Variants in INPP4B observed in about 807,000 individuals in gnomAD.
INPP4B encodes the protein inositol polyphosphate-4-phosphatase type II B, also known as inositol polyphosphate 4-phosphatase type II.
In INPP4B, 55 loss-of-function variants were observed where a neutral mutation model predicts 122.5. The ratio of observed to expected loss-of-function variants is 0.45; its 90% CI spans 0.36 to 0.56. INPP4B has a LOEUF of 0.56. Ranked by LOEUF, INPP4B falls within the 20% of genes least tolerant of loss-of-function variation. INPP4B has a pLI of 0.00. For synonymous variants in INPP4B, 403 were observed against 388.7 expected (o/e 1.04, Z -0.43); for missense variants, 1,000 against 1,097.7 (o/e 0.91, Z 1.26).
At chr4:142,385,879 ATCT>A (rs1221855668) in intron 7 of INPP4B, among the ~76,000 whole-genome samples, 3 of 152,304 alleles carry the variant, frequency 2.0e-5, no homozygotes, top group South Asian at 2.1e-4. Flanking sequence ...TAATTAAATA[ATCT>A]TCTCACATAG....
chr4:142,795,911 G>C (rs1256519944), intron 1 of INPP4B, among the ~76,000 whole-genome samples: 2 of 151,890 alleles, frequency 1.3e-5, no homozygotes, highest in African/African-American at 2.4e-5. Flanking sequence ...CATAGTTGCT[G>C]TGTCAATTTA....
chr4:142,705,529 A>C (rs1291548777), intron 2 of INPP4B, among the ~76,000 whole-genome samples: 2 of 151,360 alleles, frequency 1.3e-5, no homozygotes, highest in Non-Finnish European at 2.9e-5. Flanking sequence ...GATTTCCAAG[A>C]GTAGATTACT....
At chr4:142,832,832 T>C (rs1400197421) in intron 1 of INPP4B, among the ~76,000 whole-genome samples, 1 of 152,040 alleles carries the variant, frequency 6.6e-6, no homozygotes, top group African/African-American at 2.4e-5. Flanking sequence ...TTTTTAAATT[T>C]CACAAAAGAA....
At chr4:142,554,646 C>A (rs536534551) in intron 2 of INPP4B, among the ~76,000 whole-genome samples, 1 of 152,278 alleles carries the variant, frequency 6.6e-6, no homozygotes, top group East Asian at 1.9e-4. Context: ...GAACCTTAAA[C>A]TAGTGTCTTT....
At chr4:142,749,832 T>C (rs1769380107) in intron 1 of INPP4B, among the ~76,000 whole-genome samples, 1 of 151,044 alleles carries the variant, frequency 6.6e-6, no homozygotes, top group South Asian at 2.1e-4. Flanking sequence ...ACATAGAAAA[T>C]TAAATTAATA....
chr4:142,460,290 G>C (rs1816429759), intron 3 of INPP4B, among the ~76,000 whole-genome samples: 1 of 152,188 alleles, frequency 6.6e-6, no homozygotes, highest in African/African-American at 2.4e-5. Flanking sequence ...ATTCACCATT[G>C]CTTTTATTCT....
chr4:142,423,821 TA>T (rs61368063), intron 5 of INPP4B: 9,174 of 337,926 alleles, frequency 0.027, 25 homozygotes, highest in African/African-American at 0.042. Flanking sequence ...TAATTTCCTA[TA>T]AAAAAAAAAA....
At chr4:142,493,529 G>A (rs1422321901) in intron 2 of INPP4B, among the ~76,000 whole-genome samples, 1 of 152,172 alleles carries the variant, frequency 6.6e-6, no homozygotes, top group African/African-American at 2.4e-5. Context: ...CTTGATGTGA[G>A]ACACAGAATC....
At position 142,232,393 on chromosome 4, in the gene INPP4B, T is replaced by C. The variant is rs972595192; in HGVS notation, c.836+5471A>G. On this transcript the variant is annotated intron_variant, in intron 12 of 25. Transcript: ENST00000262992. ...TTTAGAACTGTTGCAATGTTTTCAA[T>C]GTTTTCACTAGTATATCAGTCATGG... Among the ~76,000 whole-genome samples the C allele has an allele frequency of 2.0e-5, 3 of 152,308 alleles. No homozygotes were observed. In the East Asian group the frequency reaches 5.8e-4, roughly 29 times the overall value.
chr4:142,071,108 A>G (rs1044605875), intron 25 of INPP4B, among the ~76,000 whole-genome samples: 1 of 152,212 alleles, frequency 6.6e-6, no homozygotes, highest in Non-Finnish European at 1.5e-5. Context: ...TACAGTAACC[A>G]AAACAGCATG....
At chr4:142,543,395 C>T (rs1829163826) in intron 2 of INPP4B, among the ~76,000 whole-genome samples, 1 of 152,132 alleles carries the variant, frequency 6.6e-6, no homozygotes, top group Non-Finnish European at 1.5e-5. Context: ...AGCATTTCCA[C>T]TGTCACAGGA....
chr4:142,470,502 C>T (rs1221198938), intron 2 of INPP4B, among the ~76,000 whole-genome samples: 1 of 152,032 alleles, frequency 6.6e-6, no homozygotes, highest in Non-Finnish European at 1.5e-5. Context: ...AAAAGTGTTC[C>T]TACCCTGTCC....
chr4:142,031,026 TA>T (rs1366908193), intron 25 of INPP4B, among the ~76,000 whole-genome samples: 1 of 152,072 alleles, frequency 6.6e-6, no homozygotes, highest in African/African-American at 2.4e-5. Flanking sequence ...CCACAGAAAA[TA>T]AAAGACTTCA....
At chr4:142,465,080 A>T (rs1446968785) in intron 2 of INPP4B, among the ~76,000 whole-genome samples, 1 of 152,176 alleles carries the variant, frequency 6.6e-6, no homozygotes, top group South Asian at 2.1e-4. Flanking sequence ...CCCTTGAATA[A>T]TTTTTTTAAA....
chr4:142,162,325 A>G (rs1262294287), intron 16 of INPP4B, among the ~76,000 whole-genome samples: 1 of 151,762 alleles, frequency 6.6e-6, no homozygotes, highest in Non-Finnish European at 1.5e-5. Context: ...ATATAAAAAA[A>G]CTGATGGAAA....
chr4:142,533,924 A>G (rs1356706573), intron 2 of INPP4B, among the ~76,000 whole-genome samples: 1 of 152,160 alleles, frequency 6.6e-6, no homozygotes, highest in Non-Finnish European at 1.5e-5. Context: ...TGGCCAATGA[A>G]ATGTTAGTAG....
chr4:142,146,113 G>A (rs1221381140), intron 17 of INPP4B, 117 bp from the exon 18 acceptor site: 6 of 1,117,284 alleles, frequency 5.4e-6, no homozygotes, highest in Non-Finnish European at 7.7e-6. Flanking sequence ...TGCAGATTGA[G>A]TAGCTCTAAA....
At chr4:142,805,223 A>C (rs1479608923) in intron 1 of INPP4B, among the ~76,000 whole-genome samples, 1 of 152,234 alleles carries the variant, frequency 6.6e-6, no homozygotes, top group Non-Finnish European at 1.5e-5. Context: ...TTTCACTGAA[A>C]AATATTCTTA....
chr4:142,079,054 G>A (rs1772383757), intron 25 of INPP4B, among the ~76,000 whole-genome samples: 1 of 151,860 alleles, frequency 6.6e-6, no homozygotes, highest in Admixed American at 6.6e-5. Flanking sequence ...ATCCATGTGA[G>A]GTCTAAACAT....
Sources: allele counts gnomAD v4.1 joint callset (sites outside exome capture counted in the v4.1 genomes callset), GRCh38; gene constraint gnomAD v4.1.1; transcripts MANE v1.5; gene names NCBI Gene and HGNC (gene_info 2026-07-23, HGNC 2026-07-21).